ZDHHC23: variants seen among roughly 807,000 people sequenced by gnomAD.
ZDHHC23 encodes the protein palmitoyltransferase ZDHHC23.
Under a neutral mutation model 40.2 loss-of-function variants are expected in ZDHHC23, and 41 were observed. The ratio of observed to expected loss-of-function variants is 1.02; its 90% CI spans 0.79 to 1.32. The LOEUF (loss-of-function observed/expected upper bound fraction) is 1.32. Ranked by LOEUF, ZDHHC23 falls within the 40% of genes most tolerant of loss-of-function variation. ZDHHC23 has a pLI of 0.00. For missense variants in ZDHHC23, 471 were observed against 541.5 expected (o/e 0.87, Z 1.29); for synonymous variants, 204 against 210.2 (o/e 0.97, Z 0.26).
intron 2 of ZDHHC23, among the ~76,000 whole-genome samples, chr3:113,952,190 C>T (rs1170415061): frequency 6.6e-6 from 1 of 151,690 alleles, no homozygotes; most frequent in Non-Finnish European, 1.5e-5. Context: ...TATGAGAAGC[C>T]ATGCAGCACC....
chr3:113,950,486 C>T (rs1938556821), intron 2 of ZDHHC23, among the ~76,000 whole-genome samples: 1 of 152,068 alleles, frequency 6.6e-6, no homozygotes, highest in South Asian at 2.1e-4. Context: ...ATTATAAGGG[C>T]ACAAGTCTCA....
the ZDHHC23 span, chr3:113,978,203 T>C: frequency 2.5e-6 from 4 of 1,614,086 alleles, no homozygotes; most frequent in Non-Finnish European, 3.4e-6. Flanking sequence ...TGTGCTCCGC[T>C]GCAATCTCAT....
chr3:113,972,475 G>C, the ZDHHC23 span, among the ~76,000 whole-genome samples: 1 of 152,054 alleles, frequency 6.6e-6, no homozygotes, highest in Non-Finnish European at 1.5e-5. Context: ...TTTGTTGAGA[G>C]TTGTTTTGTG....
the ZDHHC23 span, among the ~76,000 whole-genome samples, chr3:113,972,462 G>C: frequency 8.6e-5 from 13 of 151,932 alleles, no homozygotes; most frequent in African/African-American, 3.1e-4. Context: ...TCTGTTTTTT[G>C]AATTTGTTGA....
Position 113,960,429 on chromosome 3 carries a change from T to A in ZDHHC23, c.*1799T>A. 7.7e-7 allele frequency: 1 copy of A among 1,300,264 alleles called. No individual in the cohort carries two copies. The highest frequency in any genetic ancestry group is 9.7e-7 in the Non-Finnish European group (1 of 1,028,204). 80.5% of individuals were successfully genotyped at this position (1,300,264 alleles called of 1,614,324 possible). A position where few individuals can be genotyped will look rare whatever the true frequency, so the allele number is the denominator to read the frequency against. On this transcript the variant is annotated 3_prime_UTR_variant, in exon 5 of 5. Coordinates refer to ENST00000638807, the MANE Select transcript of ZDHHC23 (RefSeq NM_001320466.2). The stretch of plus-strand genomic sequence containing the variant: ...GTTGGATTTGATATAACAAATTTCT[T>A]TCTATACAGGTTTTACATAAGAGAG...
In ZDHHC23 at chr3:113,959,175, T is replaced by C; in HGVS notation, c.*545T>C. On this transcript the variant is annotated 3_prime_UTR_variant, in exon 5 of 5. Coordinates refer to ENST00000638807, the MANE Select transcript of ZDHHC23 (RefSeq NM_001320466.2). ...GGAAATACAAAGTATTAGGAAAATA[T>C]TATGATGGAAGAAAAACGTTTATAG... 6.6e-6 allele frequency: 7 copies of C among 1,067,660 alleles called. No individual in the cohort carries two copies. Among genetic ancestry groups the C allele is most frequent in the Non-Finnish European group, 8.0e-6 (7 of 875,520 alleles). The allele number at this position is 1,067,660 out of a possible 1,614,324, so 66.1% of individuals were successfully genotyped here. A position where few individuals can be genotyped will look rare whatever the true frequency, so the allele number is the denominator to read the frequency against.
rs778816425 is a variant in ZDHHC23 at position 113,958,548 on chromosome 3, A to G, written c.1226A>G (p.Asn409Ser). 4 of 1,612,698 alleles carry G rather than the reference A, an allele frequency of 2.5e-6. No homozygotes were observed. The highest frequency in any genetic ancestry group is 4.5e-5 in the East Asian group (2 of 44,886). The part of the protein sequence containing the change: ...CGLIVDTGQY[N>S]RGFLRNWHQF... The stretch of plus-strand genomic sequence containing the variant: ...CTCATCGTGGACACAGGCCAGTACA[A>G]TAGGGGCTTCCTGCGGAACTGGCAC... The change falls in exon 5 of 5, where the codon AAT becomes AGT. Residue 409 changes from asparagine (N) to serine (S), a missense_variant. Physicochemically the swap from Asn to Ser is conservative, Grantham distance 46. Coordinates refer to ENST00000638807, the MANE Select transcript of ZDHHC23 (RefSeq NM_001320466.2).
chr3:113,976,341 A>T, the ZDHHC23 span, among the ~76,000 whole-genome samples: 1 of 152,040 alleles, frequency 6.6e-6, no homozygotes, highest in Non-Finnish European at 1.5e-5. Flanking sequence ...AGGAAGACTG[A>T]TGTAGCAAGA....
At chr3:113,958,044 G>A (rs1559849429) in intron 4 of ZDHHC23, among the ~76,000 whole-genome samples, 1 of 152,154 alleles carries the variant, frequency 6.6e-6, no homozygotes, top group Non-Finnish European at 1.5e-5. Flanking sequence ...CGAATTACTT[G>A]TTTATTTAAC....
chr3:113,967,107 GAAAA>G (rs1280399777), downstream of ZDHHC23, among the ~76,000 whole-genome samples: 2 of 64,210 alleles, frequency 3.1e-5, no homozygotes, highest in East Asian at 5.7e-4. Flanking sequence ...CTCAAAAAAA[GAAAA>G]AAAGAAAAAA....
chr3:113,970,515 T>G, the ZDHHC23 span, among the ~76,000 whole-genome samples: 1 of 152,118 alleles, frequency 6.6e-6, no homozygotes, highest in African/African-American at 2.4e-5. Flanking sequence ...CTTGCAGTAT[T>G]ATATTGAATA....
chr3:113,954,001 G>A lies in ZDHHC23; in HGVS notation c.463G>A (p.Val155Met), dbSNP rs1938932030. The change falls in exon 3 of 5, where the codon GTG (valine) becomes ATG (methionine). Residue 155 changes from valine (V) to methionine (M), a missense_variant. Physicochemically the swap from Val to Met is conservative, Grantham distance 21. This residue lies in a region of ZDHHC23 where 346 missense variants were observed against 399.8 expected (regional missense o/e 0.87). Coordinates refer to ENST00000638807, the MANE Select transcript of ZDHHC23 (RefSeq NM_001320466.2). ...GLFSLGYMYYVFLQEVVPKGR... is the reference protein window; with the variant it reads ...GLFSLGYMYYMFLQEVVPKGR... ...GTTCTCTCTGGGCTACATGTACTAT[G>A]TGTTCCTGCAGGAAGTGGTCCCCAA... 6.2e-7 allele frequency: 1 copy of A among 1,614,132 alleles called. No homozygotes were observed. Among genetic ancestry groups the A allele is most frequent in the Non-Finnish European group, 8.5e-7 (1 of 1,180,026 alleles).
Position 113,953,831 on chromosome 3 carries a change from T to C in ZDHHC23, c.293T>C (p.Leu98Pro). The change falls in exon 3 of 5, where the codon CTG becomes CCG. Residue 98 changes from leucine (L) to proline (P), a missense_variant. By Grantham distance (98) the Leu-to-Pro change is moderately conservative. Coordinates refer to ENST00000638807, the MANE Select transcript of ZDHHC23 (RefSeq NM_001320466.2). The part of the protein sequence containing the change: ...VNISIIPPLV[L>P]LPVFLHVASW... ...ATCAGCATCATCCCTCCGCTTGTCC[T>C]GCTGCCTGTCTTCCTTCATGTGGCT... 6.2e-7 allele frequency: 1 copy of C among 1,614,264 alleles called. No individual in the cohort carries two copies. The highest frequency in any genetic ancestry group is 1.1e-5 in the South Asian group (1 of 91,088).
In ZDHHC23 at chr3:113,953,587, T is replaced by C. The variant is rs1340446793; in HGVS notation, c.162-113T>C. Reference sequence around the variant, plus strand: ...ATTTAGTAGTAAGGAAGTAAAATGCTTGGTCTTTGGTAGCTTTTATCGTTT... The same window carrying C: ...ATTTAGTAGTAAGGAAGTAAAATGCCTGGTCTTTGGTAGCTTTTATCGTTT... On this transcript the variant is annotated intron_variant, in intron 2 of 4. Transcript: ENST00000638807. 4 of 892,816 alleles carry C rather than the reference T, an allele frequency of 4.5e-6. No homozygotes were observed. In the Admixed American group the frequency reaches 1.1e-4, roughly 26 times the overall value. The allele number at this position is 892,816 out of a possible 1,614,324, so 55.3% of individuals were successfully genotyped here. A position where few individuals can be genotyped will look rare whatever the true frequency, so the allele number is the denominator to read the frequency against.
the ZDHHC23 span, among the ~76,000 whole-genome samples, chr3:113,976,302 A>AAGAC: frequency 6.6e-6 from 1 of 151,794 alleles, no homozygotes; most frequent in Non-Finnish European, 1.5e-5. Context: ...ACAAACAAAA[A>AAGAC]AGACAGAGGG....
In ZDHHC23 at chr3:113,954,175, C is replaced by T. The variant is rs1938950606; in HGVS notation, c.637C>T (p.Leu213=). The T allele has an allele frequency of 1.2e-6, 2 of 1,614,236 alleles. No homozygotes were observed. Among genetic ancestry groups the T allele is most frequent in the East Asian group, 4.5e-5 (2 of 44,890 alleles). The change falls in exon 3 of 5, where the codon CTG becomes TTG. Residue 213 remains leucine (L), a synonymous_variant. Transcript: ENST00000638807. The part of the protein sequence containing the change: ...RSLSSSQLEC[L]SRKGQEKTKG... The stretch of plus-strand genomic sequence containing the variant: ...TCTAAGCAGCAGCCAGCTGGAGTGC[C>T]TGAGCAGAAAAGGGCAGGAGAAGAC...
At chr3:113,972,186 T>C in the ZDHHC23 span, among the ~76,000 whole-genome samples, 6 of 152,128 alleles carry the variant, frequency 3.9e-5, no homozygotes, top group Non-Finnish European at 5.9e-5. Context: ...TTGAAGTCTG[T>C]CAACTTTTTT....
chr3:113,968,906 GTTTAT>G (rs1310109255), downstream of ZDHHC23, among the ~76,000 whole-genome samples: 1 of 152,016 alleles, frequency 6.6e-6, no homozygotes, highest in Non-Finnish European at 1.5e-5. Context: ...AAAAAAAGAG[GTTTAT>G]TGGACTTGCA....
At chr3:113,963,728 G>A (rs778900419), downstream of ZDHHC23, among the ~76,000 whole-genome samples, 1 of 151,872 alleles carries the variant, frequency 6.6e-6, no homozygotes, top group Non-Finnish European at 1.5e-5. Flanking sequence ...CAGTGACAGA[G>A]TGAGACCCTG....
Sources: allele counts gnomAD v4.1 joint callset (sites outside exome capture counted in the v4.1 genomes callset), GRCh38; gene constraint gnomAD v4.1.1; regional missense constraint gnomAD v4.1.1; transcripts MANE v1.5; gene names NCBI Gene and HGNC (gene_info 2026-07-23, HGNC 2026-07-21).